The following MRPS27 variants were observed in gnomAD, a reference collection of about 807,000 sequenced individuals.
The protein encoded by MRPS27 is mitochondrial ribosomal protein S27.
A neutral mutation model predicts 48.9 loss-of-function variants in MRPS27; 43 were observed. The observed-to-expected ratio is 0.88, with a 90% CI of 0.69 to 1.13. The LOEUF is 1.13. Ranked by LOEUF, MRPS27 falls within the 50% of genes most tolerant of loss-of-function variation. The pLI is 0.00. For synonymous variants in MRPS27, 188 were observed against 171.9 expected (o/e 1.09, Z -0.73); for missense variants, 467 against 476.3 (o/e 0.98, Z 0.18).
At chr5:72,223,488 CAAAAAGGAGCAT>C (rs1275058222) in intron 10 of MRPS27, among the ~76,000 whole-genome samples, 183 bp downstream of exon 10, 1 of 152,150 alleles carries the variant, frequency 6.6e-6, no homozygotes, top group African/African-American at 2.4e-5. Flanking sequence ...AGCTCAAGTA[CAAAAAGGAGCAT>C]AAAAATTCCA....
At chr5:72,295,386 A>G (rs577483292) in intron 4 of MRPS27, 145 bp downstream of exon 4, 43 of 597,764 alleles carry the variant, frequency 7.2e-5, no homozygotes, top group African/African-American at 6.8e-4. Context: ...ATAAAAAATC[A>G]GAAACTCTCT....
At chr5:72,268,379 C>A (rs994881806) in intron 4 of MRPS27, among the ~76,000 whole-genome samples, 1 of 152,126 alleles carries the variant, frequency 6.6e-6, no homozygotes, top group Non-Finnish European at 1.5e-5. Flanking sequence ...TTTCTCTTTG[C>A]TACACAAATG....
intron 4 of MRPS27, among the ~76,000 whole-genome samples, chr5:72,261,730 A>G (rs1380798032): frequency 6.6e-6 from 1 of 152,232 alleles, no homozygotes; most frequent in East Asian, 1.9e-4. Flanking sequence ...TGTCCGTACT[A>G]TAAAAGAGAA....
At chr5:72,258,326 T>G (rs1481242021) in intron 4 of MRPS27, among the ~76,000 whole-genome samples, 1 of 152,172 alleles carries the variant, frequency 6.6e-6, no homozygotes, top group African/African-American at 2.4e-5. Context: ...TTTTTGTTTT[T>G]AGAGGCTTAT....
intron 4 of MRPS27, among the ~76,000 whole-genome samples, chr5:72,250,863 G>C (rs1290738847): frequency 6.6e-6 from 1 of 152,148 alleles, no homozygotes; most frequent in Non-Finnish European, 1.5e-5. Context: ...TAGTAGAGAG[G>C]TAGTTAAGAT....
intron 4 of MRPS27, among the ~76,000 whole-genome samples, chr5:72,281,785 C>T (rs1057397367): frequency 5.3e-5 from 8 of 152,160 alleles, no homozygotes; most frequent in African/African-American, 1.9e-4. Context: ...GTATGAGATG[C>T]ACAAAGTTCT....
intron 2 of MRPS27, among the ~76,000 whole-genome samples, chr5:72,309,776 T>C (rs555193958): frequency 1.6e-4 from 25 of 152,344 alleles, no homozygotes; most frequent in African/African-American, 5.5e-4. Flanking sequence ...GCACTTTGCT[T>C]ATAATTCACA....
chr5:72,315,137 T>C (rs1750532648), intron 1 of MRPS27, among the ~76,000 whole-genome samples: 1 of 152,132 alleles, frequency 6.6e-6, no homozygotes, highest in Non-Finnish European at 1.5e-5. Flanking sequence ...TGAAGTACAA[T>C]CTCAGGAAAG....
At chr5:72,261,192 G>A (rs758187299) in intron 4 of MRPS27, among the ~76,000 whole-genome samples, 9 of 151,996 alleles carry the variant, frequency 5.9e-5, no homozygotes, top group Non-Finnish European at 1.2e-4. Flanking sequence ...AACCTTTTAC[G>A]TTCTCTTGAA....
At chr5:72,284,991 T>C (rs533144420) in intron 4 of MRPS27, among the ~76,000 whole-genome samples, 3 of 152,312 alleles carry the variant, frequency 2.0e-5, no homozygotes, top group South Asian at 4.1e-4. Flanking sequence ...GGTGGAATTA[T>C]TGGGCCAGAG....
At chr5:72,256,505 T>G (rs1748811251) in intron 4 of MRPS27, among the ~76,000 whole-genome samples, 1 of 152,246 alleles carries the variant, frequency 6.6e-6, no homozygotes, top group Non-Finnish European at 1.5e-5. Flanking sequence ...ATAAACAAGT[T>G]TTTTGGGCCA....
At chr5:72,314,369 G>C (rs1242892549) in intron 1 of MRPS27, 7 of 396,704 alleles carry the variant, frequency 1.8e-5, no homozygotes, top group Admixed American at 1.5e-4. Context: ...CAGAAAAACA[G>C]GATTTTCACA....
intron 9 of MRPS27, among the ~76,000 whole-genome samples, chr5:72,225,576 A>G (rs753767779): frequency 1.3e-5 from 2 of 152,138 alleles, no homozygotes; most frequent in Non-Finnish European, 2.9e-5. Context: ...TAGAACTTTG[A>G]AAGAAACATC....
chr5:72,242,706 A>ACT (rs1245812045), intron 4 of MRPS27, among the ~76,000 whole-genome samples: 101 of 137,334 alleles, frequency 7.4e-4, no homozygotes, highest in African/African-American at 2.6e-3. Context: ...ACACACACAC[A>ACT]CTCACGGCAC....
chr5:72,267,397 C>T (rs1041316945), intron 4 of MRPS27, among the ~76,000 whole-genome samples: 1 of 151,978 alleles, frequency 6.6e-6, no homozygotes, highest in Non-Finnish European at 1.5e-5. Flanking sequence ...GACTTCAGTC[C>T]ATTGTTCATT....
chr5:72,319,424 G>C (rs572148042), intron 1 of MRPS27, among the ~76,000 whole-genome samples: 5 of 152,130 alleles, frequency 3.3e-5, no homozygotes, highest in Middle Eastern at 3.4e-3. Context: ...GAAGACCAGG[G>C]GTCCAGCTAA....
chr5:72,251,768 A>G (rs2111984122), intron 4 of MRPS27, among the ~76,000 whole-genome samples: 1 of 152,306 alleles, frequency 6.6e-6, no homozygotes, highest in African/African-American at 2.4e-5. Flanking sequence ...GAAAGTAGTT[A>G]TTTGTGTAGA....
chr5:72,221,084 G>C lies in MRPS27; in HGVS notation c.1070C>G (p.Thr357Ser), dbSNP rs775941772. ...GGAGAGTTTTTCCTTGACAAGCTGG[G>C]TGGTCAGACTTAAAAGACCTTCTGA... is the stretch of plus-strand genomic sequence containing the variant. ...IESEGLLSLT[T>S]QLVKEKLSTC... Residue 357 changes from threonine to serine, a missense_variant, in exon 11 of 11, where the codon ACC (threonine) becomes AGC (serine). Thr to Ser is a moderately conservative substitution (Grantham distance 58). Coordinates refer to ENST00000261413, the MANE Select transcript of MRPS27 (RefSeq NM_015084.3). The C allele has an allele frequency of 1.5e-5, 24 of 1,614,040 alleles. No homozygotes were observed. In the South Asian group the frequency reaches 2.4e-4, roughly 16 times the overall value.
Position 72,238,012 on chromosome 5 carries a change from AC to A in MRPS27, c.396+1del, listed in dbSNP as rs573953853. ...AGGCTGCAGATCCACGGAACAACTCACCTTATTTACAAGGGTATATAGGGCT... is the reference window on the plus strand; with the variant it reads ...AGGCTGCAGATCCACGGAACAACTCACTTATTTACAAGGGTATATAGGGCT... On this transcript the variant is annotated splice_donor_variant, in intron 5 of 10. Transcript: ENST00000261413. LOFTEE classifies it high-confidence loss of function. 5.0e-6 allele frequency: 8 copies of A among 1,602,292 alleles called. No individual in the cohort carries two copies. Among genetic ancestry groups the A allele is most frequent in the Non-Finnish European group, 6.8e-6 (8 of 1,169,710 alleles).
Sources: gnomAD v4.1 joint callset for allele counts (sites outside exome capture counted in the v4.1 genomes callset) on GRCh38, gnomAD v4.1.1 for gene constraint, MANE v1.5 for transcripts, NCBI Gene and HGNC (gene_info 2026-07-23, HGNC 2026-07-21) for gene names.